LRRC37A2: variants seen among roughly 807,000 people sequenced by gnomAD.
The protein encoded by LRRC37A2 is leucine-rich repeat-containing protein 37A2.
LRRC37A2 carries 9 observed loss-of-function variants against 68.8 expected under a neutral mutation model. That is an observed-to-expected ratio of 0.13 (90% CI 0.08 to 0.23). The LOEUF is 0.23. Among genes scored for constraint, LRRC37A2 ranks in the 10% least tolerant of loss-of-function variants. LRRC37A2 has a pLI of 1.00. For missense variants in LRRC37A2, 168 were observed against 950.4 expected (o/e 0.18, Z 10.82); for synonymous variants, 63 against 367.6 (o/e 0.17, Z 9.48).
chr17:46,408,299 T>TAA, the LRRC37A2 span, among the ~76,000 whole-genome samples: 6 of 13,806 alleles, frequency 4.3e-4, no homozygotes, highest in Non-Finnish European at 7.1e-4. Flanking sequence ...CCACATGTAT[T>TAA]AAAAAAAAAA....
chr17:47,026,711 T>C, the LRRC37A2 span, among the ~76,000 whole-genome samples: 1 of 152,290 alleles, frequency 6.6e-6, no homozygotes, highest in South Asian at 2.1e-4. Context: ...TAAAGCAATA[T>C]AAAACCAAAA....
chr17:46,913,388 G>A, the LRRC37A2 span, among the ~76,000 whole-genome samples: 3 of 152,336 alleles, frequency 2.0e-5, no homozygotes, highest in Non-Finnish European at 4.4e-5. Context: ...CCCCTGTGAC[G>A]AGTGCTGAGA....
At chr17:46,885,254 C>T in the LRRC37A2 span, 1 of 297,530 alleles carries the variant, frequency 3.4e-6, no homozygotes, top group African/African-American at 2.3e-5. Flanking sequence ...GATCCACCCG[C>T]CTCGGCCTCC....
At chr17:46,997,204 T>A in the LRRC37A2 span, among the ~76,000 whole-genome samples, 1 of 151,962 alleles carries the variant, frequency 6.6e-6, no homozygotes, top group East Asian at 1.9e-4. Flanking sequence ...TACAAAAAAT[T>A]AGCCAAGTGT....
chr17:46,941,124 A>G, the LRRC37A2 span: 1 of 1,023,416 alleles, frequency 9.8e-7, no homozygotes, highest in Non-Finnish European at 1.2e-6. Context: ...TGGGTTATCA[A>G]GAGGAACTTG....
the LRRC37A2 span, among the ~76,000 whole-genome samples, chr17:46,972,056 C>T: frequency 6.6e-6 from 1 of 150,430 alleles, no homozygotes. Context: ...ACTGTCTCAA[C>T]CATAATCACC....
At chr17:46,495,213 G>A in the LRRC37A2 span, among the ~76,000 whole-genome samples, 4 of 145,210 alleles carry the variant, frequency 2.8e-5, no homozygotes, top group East Asian at 2.0e-4. Context: ...TCTTGTGCAT[G>A]TATACCTCAT....
chr17:46,726,635 G>A, the LRRC37A2 span: 2 of 1,607,564 alleles, frequency 1.2e-6, no homozygotes, highest in East Asian at 2.2e-5. Flanking sequence ...AACTTCTGCT[G>A]TTGTATTATC....
At chr17:46,937,776 T>G in the LRRC37A2 span, 1 of 152,284 alleles carries the variant, frequency 6.6e-6, no homozygotes. Context: ...AGTCAGGTAC[T>G]TTTTATTGCA....
the LRRC37A2 span, among the ~76,000 whole-genome samples, chr17:46,968,268 C>G: frequency 6.6e-6 from 1 of 152,194 alleles, no homozygotes; most frequent in African/African-American, 2.4e-5. Context: ...CAGACCCAGC[C>G]TCTTCCTCTC....
the LRRC37A2 span, among the ~76,000 whole-genome samples, chr17:46,948,143 C>T: frequency 2.0e-5 from 3 of 152,226 alleles, no homozygotes; most frequent in Admixed American, 6.5e-5. Context: ...TGAAGATCAG[C>T]TCTGCCCTTT....
At chr17:46,724,760 C>T in the LRRC37A2 span, among the ~76,000 whole-genome samples, 10 of 152,104 alleles carry the variant, frequency 6.6e-5, no homozygotes, top group Admixed American at 6.6e-4. Context: ...AATAAGAATT[C>T]AAAAATATTT....
chr17:46,768,930 G>C, the LRRC37A2 span: 2 of 1,377,330 alleles, frequency 1.5e-6, no homozygotes, highest in African/African-American at 1.4e-5. The surrounding 1 kb of genome is among the most constrained non-coding windows in gnomAD (Gnocchi z 5.0). Flanking sequence ...GAAGAGAACT[G>C]ATGGGGACTG....
the LRRC37A2 span, among the ~76,000 whole-genome samples, chr17:46,754,647 T>C: frequency 5.9e-5 from 9 of 152,346 alleles, no homozygotes; most frequent in Middle Eastern, 3.4e-3. Context: ...CCAGTCGAGA[T>C]AGCTAATAAT....
chr17:46,837,436 A>T, the LRRC37A2 span, among the ~76,000 whole-genome samples: 1 of 152,146 alleles, frequency 6.6e-6, no homozygotes, highest in South Asian at 2.1e-4. Flanking sequence ...GATGTTGGGG[A>T]ATCAGCAAGC....
chr17:46,638,884 GAATT>G, the LRRC37A2 span, among the ~76,000 whole-genome samples: 1 of 49,290 alleles, frequency 2.0e-5, no homozygotes, highest in Non-Finnish European at 3.3e-5. Context: ...GTTGAGATAA[GAATT>G]AATTAAACAC....
the LRRC37A2 span, among the ~76,000 whole-genome samples, chr17:46,889,931 G>A: frequency 6.6e-6 from 1 of 152,154 alleles, no homozygotes; most frequent in African/African-American, 2.4e-5. Context: ...GATCATGTTC[G>A]TTAAAACAAA....
chr17:46,940,444 C>G, the LRRC37A2 span: 2 of 1,605,806 alleles, frequency 1.2e-6, no homozygotes, highest in Admixed American at 1.7e-5. Context: ...GGCACATTGA[C>G]ATTTCCATTA....
the LRRC37A2 span, chr17:46,975,416 C>T: frequency 6.6e-6 from 1 of 152,292 alleles, no homozygotes; most frequent in Non-Finnish European, 1.5e-5. Context: ...TCGGATGGCT[C>T]AGGATTCTGC....
Sources: allele counts gnomAD v4.1 joint callset (sites outside exome capture counted in the v4.1 genomes callset), GRCh38; gene constraint gnomAD v4.1.1; non-coding constraint Gnocchi (gnomAD v3.1); transcripts MANE v1.5; gene names NCBI Gene and HGNC (gene_info 2026-07-23, HGNC 2026-07-21).